TBC1D22A: variants seen among roughly 807,000 people sequenced by gnomAD.
The protein encoded by TBC1D22A is TBC1 domain family member 22A, also known as putative GTPase activator.
Under a neutral mutation model 60.2 loss-of-function variants are expected in TBC1D22A, and 38 were observed. The ratio of observed to expected loss-of-function variants is 0.63; its 90% CI spans 0.49 to 0.83. The LOEUF is 0.83. Ranked by LOEUF, TBC1D22A falls within the 40% of genes least tolerant of loss-of-function variation. The pLI is 0.00. For synonymous variants in TBC1D22A, 302 were observed against 281.7 expected, an observed-to-expected ratio of 1.07 and a Z score of -0.72; for missense variants, 628 against 701.0, an observed-to-expected ratio of 0.90 and a Z score of 1.18.
In TBC1D22A at chr22:47,170,852, GACCGGAGAGAGGACAGTC is replaced by G. The variant is rs1452276425; in HGVS notation, c.1426-2645_1426-2628del. On this transcript the variant is annotated intron_variant, in intron 12 of 12. Transcript: ENST00000337137. ...CTGGTGTGTAACCCTCCTGATGCAG[GACCGGAGAGAGGACAGTC>G]CTGGTGTGTAACCCTCCTGATGCAG... 3.1e-3 allele frequency among the ~76,000 whole-genome samples: 452 copies of G among 143,668 alleles called. 111 individuals carry two copies. The highest frequency in any genetic ancestry group is 4.3e-3 in the East Asian group (20 of 4,638). 94.3% of individuals were successfully genotyped at this position (143,668 alleles called of 152,430 possible).
At chr22:46,998,778 G>T (rs1265461503) in intron 10 of TBC1D22A, among the ~76,000 whole-genome samples, 1 of 152,240 alleles carries the variant, frequency 6.6e-6, no homozygotes, top group Non-Finnish European at 1.5e-5. Context: ...GAAGTTGTCT[G>T]CAGTTCTTCT....
At chr22:46,939,145 G>A (rs954621805) in intron 8 of TBC1D22A, among the ~76,000 whole-genome samples, 7 of 151,880 alleles carry the variant, frequency 4.6e-5, no homozygotes, top group Non-Finnish European at 8.8e-5. Flanking sequence ...ACTTGTAATA[G>A]CAATGACAGG....
At chr22:47,006,296 G>A (rs527863195) in intron 10 of TBC1D22A, among the ~76,000 whole-genome samples, 52 of 152,234 alleles carry the variant, frequency 3.4e-4, no homozygotes, top group Non-Finnish European at 5.7e-4. Context: ...TGCAGGCATC[G>A]CAGTGAGGCT....
intron 12 of TBC1D22A, among the ~76,000 whole-genome samples, chr22:47,113,417 G>T (rs983090172): frequency 6.6e-6 from 1 of 152,168 alleles, no homozygotes; most frequent in African/African-American, 2.4e-5. Context: ...ATGCCTGGTG[G>T]TGGGAGGTGG....
At chr22:46,979,999 C>T (rs772252967) in intron 9 of TBC1D22A, among the ~76,000 whole-genome samples, 2 of 151,942 alleles carry the variant, frequency 1.3e-5, no homozygotes, top group Non-Finnish European at 2.9e-5. Flanking sequence ...AAGTACAAAC[C>T]AAGCAGAGAA....
intron 4 of TBC1D22A, among the ~76,000 whole-genome samples, chr22:46,801,682 G>C (rs770614936): frequency 6.6e-6 from 1 of 152,220 alleles, no homozygotes; most frequent in African/African-American, 2.4e-5. Flanking sequence ...GTGGGGCCTC[G>C]GAGGGCAAAC....
chr22:46,939,487 C>T (rs528798747), intron 8 of TBC1D22A, among the ~76,000 whole-genome samples: 112 of 152,304 alleles, frequency 7.4e-4, no homozygotes, highest in Non-Finnish European at 1.4e-3. Flanking sequence ...ATTCTTTCAT[C>T]TTTTAAGACG....
At chr22:46,771,063 T>C (rs2083464372) in intron 1 of TBC1D22A, among the ~76,000 whole-genome samples, 1 of 152,222 alleles carries the variant, frequency 6.6e-6, no homozygotes, top group Non-Finnish European at 1.5e-5. Context: ...CAGAAACACT[T>C]TGAAAAATAA....
At chr22:47,158,832 G>A (rs922309260) in intron 12 of TBC1D22A, among the ~76,000 whole-genome samples, 4 of 152,076 alleles carry the variant, frequency 2.6e-5, no homozygotes, top group African/African-American at 9.7e-5. Flanking sequence ...GCCAGGGCAG[G>A]ACCTGCGTCC....
At chr22:46,797,827 T>C (rs1163759890) in intron 4 of TBC1D22A, among the ~76,000 whole-genome samples, 1 of 152,246 alleles carries the variant, frequency 6.6e-6, no homozygotes, top group African/African-American at 2.4e-5. Context: ...GTTTTGTTAA[T>C]GTTTTTCCCA....
intron 12 of TBC1D22A, among the ~76,000 whole-genome samples, chr22:47,131,398 G>A (rs1033629129): frequency 1.3e-5 from 2 of 152,194 alleles, no homozygotes; most frequent in Non-Finnish European, 2.9e-5. Flanking sequence ...AACCAAGCTC[G>A]TTAATCGGCC....
In TBC1D22A at chr22:46,766,784, C is replaced by T. The variant is rs191983378; in HGVS notation, c.62+3936C>T. Among the ~76,000 whole-genome samples the T allele has an allele frequency of 3.2e-3, 491 of 152,278 alleles. 1 individual carries two copies. Among genetic ancestry groups the T allele is most frequent in the South Asian group, 0.015 (72 of 4,820 alleles). ...ATCTCTTGACCTCATGATCCGCCCG[C>T]CTTGGCCTCCCCAAGTGCTGAGATT... is the stretch of plus-strand genomic sequence containing the variant. On this transcript the variant is annotated intron_variant, in intron 1 of 12. Transcript: ENST00000337137.
chr22:46,984,543 A>T (rs375669531), intron 9 of TBC1D22A, among the ~76,000 whole-genome samples: 4 of 152,088 alleles, frequency 2.6e-5, no homozygotes, highest in African/African-American at 9.7e-5. Flanking sequence ...TACAGCTTCC[A>T]TATTTGCCTA....
intron 12 of TBC1D22A, among the ~76,000 whole-genome samples, chr22:47,117,803 A>T (rs1265244353): frequency 6.6e-6 from 1 of 152,196 alleles, no homozygotes; most frequent in Non-Finnish European, 1.5e-5. Context: ...ATAGGAGGAA[A>T]GTTTAAGCAT....
chr22:46,804,677 T>C (rs958796744), intron 4 of TBC1D22A, among the ~76,000 whole-genome samples: 1 of 152,236 alleles, frequency 6.6e-6, no homozygotes, highest in Non-Finnish European at 1.5e-5. Context: ...AAATTAGATA[T>C]GATTTGGTGA....
intron 11 of TBC1D22A, among the ~76,000 whole-genome samples, chr22:47,090,741 G>C (rs907553248): frequency 2.7e-5 from 4 of 150,806 alleles, no homozygotes; most frequent in East Asian, 2.0e-4. Flanking sequence ...CCTCGCAGAG[G>C]GGGTGGCTGC....
chr22:47,148,984 C>G (rs6007609), intron 12 of TBC1D22A, among the ~76,000 whole-genome samples: 1 of 151,268 alleles, frequency 6.6e-6, no homozygotes, highest in Non-Finnish European at 1.5e-5. Flanking sequence ...TAGGGGGCCA[C>G]GGCTTCCCAT....
At chr22:47,092,342 C>T (rs1180665585) in intron 11 of TBC1D22A, among the ~76,000 whole-genome samples, 5 of 152,122 alleles carry the variant, frequency 3.3e-5, no homozygotes, top group Non-Finnish European at 7.4e-5. Context: ...CCCAGAGTGT[C>T]TCAGTGAAGA....
intron 7 of TBC1D22A, among the ~76,000 whole-genome samples, chr22:46,906,544 C>T (rs981316476): frequency 5.3e-5 from 8 of 152,112 alleles, no homozygotes; most frequent in South Asian, 2.1e-4. Flanking sequence ...ATGGCAGGCG[C>T]GGGAGCACTC....
Sources: gnomAD v4.1 joint callset for allele counts (sites outside exome capture counted in the v4.1 genomes callset) on GRCh38, gnomAD v4.1.1 for gene constraint, MANE v1.5 for transcripts, NCBI Gene and HGNC (gene_info 2026-07-23, HGNC 2026-07-21) for gene names.